SDHA: variants seen among roughly 807,000 people sequenced by gnomAD.
The protein encoded by SDHA is succinate dehydrogenase complex flavoprotein subunit A.
A neutral mutation model predicts 78.4 loss-of-function variants in SDHA; 48 were observed. That is an observed-to-expected ratio of 0.61 (90% confidence interval 0.49 to 0.78). SDHA has a LOEUF of 0.78. Ranked by LOEUF, SDHA falls within the 30% of genes least tolerant of loss-of-function variation. The pLI is 0.00. For synonymous variants in SDHA, 326 were observed against 353.9 expected (o/e 0.92, Z 0.88); for missense variants, 680 against 892.7 (o/e 0.76, Z 3.04).
chr5:258,739 T>A (rs879164744), downstream of SDHA, among the ~76,000 whole-genome samples: 1 of 81,522 alleles, frequency 1.2e-5, no homozygotes, highest in Non-Finnish European at 2.2e-5. Context: ...CCGCCTCCCG[T>A]CCGAGCATTA....
At chr5:265,380 C>T in the SDHA span, among the ~76,000 whole-genome samples, 1 of 152,088 alleles carries the variant, frequency 6.6e-6, no homozygotes, top group African/African-American at 2.4e-5. Flanking sequence ...ACATGAAAAC[C>T]ATGAATTCAT....
At chr5:240,772 T>C (rs28474882) in intron 11 of SDHA, among the ~76,000 whole-genome samples, 36,571 of 152,130 alleles carry the variant, frequency 0.24, 6,861 homozygotes, top group African/African-American at 0.53. Flanking sequence ...AGTGAGAATG[T>C]GTGACACTTG....
At chr5:259,260 G>A (rs569906284), downstream of SDHA, among the ~76,000 whole-genome samples, 55 of 53,908 alleles carry the variant, frequency 1.0e-3, 1 homozygote, top group Admixed American at 6.4e-3. Context: ...CAGCATTACC[G>A]TGTGAGCTCC....
chr5:230,712 G>A (rs1735340726), intron 6 of SDHA, among the ~76,000 whole-genome samples, 164 bp from the exon 7 acceptor site: 1 of 152,138 alleles, frequency 6.6e-6, no homozygotes, highest in Admixed American at 6.5e-5. Context: ...CACCAGTGGC[G>A]CGGCCCCTAG....
chr5:229,663 A>G (rs1201439083), intron 6 of SDHA, among the ~76,000 whole-genome samples: 2 of 152,002 alleles, frequency 1.3e-5, no homozygotes, highest in Non-Finnish European at 2.9e-5. Flanking sequence ...TGAAGGTCTA[A>G]TATACAACAT....
At chr5:262,353 A>C in the SDHA span, among the ~76,000 whole-genome samples, 2 of 134,662 alleles carry the variant, frequency 1.5e-5, no homozygotes, top group Non-Finnish European at 1.6e-5. Flanking sequence ...GCCTCCCGGC[A>C]GAGCATTACC....
At chr5:267,343 G>A in the SDHA span, among the ~76,000 whole-genome samples, 1 of 152,144 alleles carries the variant, frequency 6.6e-6, no homozygotes, top group Non-Finnish European at 1.5e-5. Flanking sequence ...GACTGGAGAA[G>A]AAAAGATTCT....
chr5:258,338 A>T (rs1737339064), downstream of SDHA, among the ~76,000 whole-genome samples: 1 of 109,408 alleles, frequency 9.1e-6, no homozygotes, highest in South Asian at 2.8e-4. Flanking sequence ...CTGTCAGAGC[A>T]TTAGTGTGTG....
In SDHA at chr5:254,618, A is replaced by G. The variant is rs1484297775; in HGVS notation, c.1908+112A>G. ...GGAAGAGCAGGCCAGATTTAAATCA[A>G]CTCCCGACAGATTCGAGGCACCGCT... is the stretch of plus-strand genomic sequence containing the variant. On this transcript the variant is annotated intron_variant, in intron 14 of 14. Transcript: ENST00000264932. 10 of 1,447,232 alleles carry G rather than the reference A, an allele frequency of 6.9e-6. No individual in the cohort carries two copies. In the Admixed American group the frequency reaches 1.4e-4, roughly 21 times the overall value. The allele number at this position is 1,447,232 out of a possible 1,614,324, so 89.6% of individuals were successfully genotyped here.
At chr5:220,318 T>TG (rs56035544) in intron 1 of SDHA, 76,831 of 451,920 alleles carry the variant, frequency 0.17, 10,597 homozygotes, top group African/African-American at 0.53. Context: ...CAATAGTTAC[T>TG]GGTTAACTGC....
chr5:263,932 C>G, the SDHA span, among the ~76,000 whole-genome samples: 4 of 152,308 alleles, frequency 2.6e-5, no homozygotes, highest in South Asian at 4.1e-4. Context: ...TGTTTGCAAC[C>G]AAGTTCTTCA....
the SDHA span, among the ~76,000 whole-genome samples, chr5:262,971 G>A: frequency 2.0e-5 from 3 of 151,984 alleles, no homozygotes; most frequent in African/African-American, 7.3e-5. Context: ...ACAGAGTCTT[G>A]CCATGCTGCC....
chr5:225,514 G>A lies in SDHA; in HGVS notation c.408G>A (p.Gln136=), dbSNP rs190477316. The change falls in exon 4 of 15, where the codon CAG becomes CAA. Residue 136 remains glutamine, a synonymous_variant. Coordinates refer to ENST00000264932, the MANE Select transcript of SDHA (RefSeq NM_004168.4). The part of the protein sequence containing the change: ...TVKGSDWLGD[Q]DAIHYMTEQA... ...AGGGCTCCGACTGGCTGGGGGACCAGGATGCCATCCACTACATGACGGAGC... is the reference window on the plus strand; with the variant it reads ...AGGGCTCCGACTGGCTGGGGGACCAAGATGCCATCCACTACATGACGGAGC... 10 of 1,613,938 alleles carry A rather than the reference G, an allele frequency of 6.2e-6. No individual in the cohort carries two copies. The African/African-American group carries it at 1.2e-4, about 19-fold the overall frequency.
the SDHA span, among the ~76,000 whole-genome samples, chr5:268,275 C>T: frequency 2.0e-3 from 311 of 152,046 alleles, no homozygotes; most frequent in African/African-American, 7.0e-3. Flanking sequence ...CTCCGCCTCC[C>T]GGGTTCACGC....
At chr5:248,827 C>A (rs1163419513) in intron 11 of SDHA, among the ~76,000 whole-genome samples, 1 of 152,140 alleles carries the variant, frequency 6.6e-6, no homozygotes, top group Non-Finnish European at 1.5e-5. Flanking sequence ...CTGGTCTGAA[C>A]AAAATTGTCA....
intron 5 of SDHA, chr5:227,871 C>T (rs1268634315): frequency 1.0e-5 from 4 of 390,992 alleles, no homozygotes; most frequent in African/African-American, 6.2e-5. Flanking sequence ...ACTCTGGCAC[C>T]AGACTCCGAG....
intron 11 of SDHA, among the ~76,000 whole-genome samples, chr5:246,321 A>T (rs1322428877): frequency 6.6e-6 from 1 of 151,670 alleles, no homozygotes; most frequent in Non-Finnish European, 1.5e-5. Flanking sequence ...AGCTGATCGA[A>T]AAGCAAGGCC....
chr5:247,896 A>G (rs1209113115), intron 11 of SDHA, among the ~76,000 whole-genome samples: 2 of 152,276 alleles, frequency 1.3e-5, no homozygotes, highest in Non-Finnish European at 2.9e-5. Context: ...AGGACAAGCC[A>G]TAGTGGAAAG....
chr5:230,045 G>C (rs970738935), intron 6 of SDHA, among the ~76,000 whole-genome samples: 3 of 152,212 alleles, frequency 2.0e-5, no homozygotes, highest in Non-Finnish European at 4.4e-5. Context: ...GGTGGCTATC[G>C]TTAATATTAT....
Sources: allele counts gnomAD v4.1 joint callset (sites outside exome capture counted in the v4.1 genomes callset), GRCh38; gene constraint gnomAD v4.1.1; transcripts MANE v1.5; gene names NCBI Gene and HGNC (gene_info 2026-07-23, HGNC 2026-07-21).